The following LRP1B variants were observed in gnomAD, a reference collection of about 807,000 sequenced individuals.
LRP1B encodes low-density lipoprotein receptor-related protein 1B.
Under a neutral mutation model 556.6 loss-of-function variants are expected in LRP1B, and 217 were observed. The ratio of observed to expected loss-of-function variants is 0.39; its 90% CI spans 0.35 to 0.44. The LOEUF is 0.44. Among genes scored for constraint, LRP1B ranks in the 20% least tolerant of loss-of-function variants. The pLI, the probability that LRP1B is intolerant of heterozygous loss-of-function variation, is 1.00. For synonymous variants in LRP1B, 2,047 were observed against 1,865.8 expected (o/e 1.10, Z -2.50); for missense variants, 5,053 against 5,620.8 (o/e 0.90, Z 3.23).
intron 3 of LRP1B, among the ~76,000 whole-genome samples, chr2:141,329,663 A>AAAAC (rs1553497047): frequency 2.6e-4 from 36 of 137,442 alleles, no homozygotes; most frequent in Admixed American, 4.3e-4. Context: ...AAAAAAAAAA[A>AAAAC]AACTATCTCT....
intron 2 of LRP1B, among the ~76,000 whole-genome samples, chr2:141,647,817 T>C (rs549901743): frequency 6.6e-6 from 1 of 151,884 alleles, no homozygotes; most frequent in South Asian, 2.1e-4. Context: ...AATTCTGCAA[T>C]AAAATTAAGA....
intron 60 of LRP1B, among the ~76,000 whole-genome samples, chr2:140,463,980 G>C (rs1288341469): frequency 6.6e-6 from 1 of 152,038 alleles, no homozygotes; most frequent in African/African-American, 2.4e-5. Flanking sequence ...CAGATCACCT[G>C]AGGTCAGGAG....
chr2:142,107,769 A>C (rs1706802810), intron 1 of LRP1B, among the ~76,000 whole-genome samples: 1 of 148,142 alleles, frequency 6.8e-6, no homozygotes, highest in African/African-American at 2.5e-5. Flanking sequence ...CTGGGATTAC[A>C]GGCACCCACC....
At chr2:141,788,419 T>A (rs1695494784) in intron 2 of LRP1B, among the ~76,000 whole-genome samples, 1 of 152,014 alleles carries the variant, frequency 6.6e-6, no homozygotes, top group African/African-American at 2.4e-5. Context: ...ATATGAACAA[T>A]TCTATGATAT....
chr2:140,925,481 GA>G (rs1298054532), intron 20 of LRP1B, among the ~76,000 whole-genome samples: 1 of 152,042 alleles, frequency 6.6e-6, no homozygotes, highest in Non-Finnish European at 1.5e-5. Flanking sequence ...AACTTTCGTT[GA>G]AAACAAAACA....
intron 2 of LRP1B, among the ~76,000 whole-genome samples, chr2:141,679,576 C>T (rs1182870130): frequency 1.3e-5 from 2 of 151,922 alleles, no homozygotes; most frequent in East Asian, 1.9e-4. Context: ...GATGCTGTAC[C>T]CTCAGGCTAC....
intron 2 of LRP1B, among the ~76,000 whole-genome samples, chr2:141,544,358 C>CTTCTT (rs1559131428): frequency 2.1e-5 from 2 of 96,580 alleles, no homozygotes; most frequent in African/African-American, 7.7e-5. Context: ...TCTTCTTCTT[C>CTTCTT]TTCTTCTTCT....
chr2:141,612,648 A>G (rs1220532340), intron 2 of LRP1B, among the ~76,000 whole-genome samples: 1 of 152,234 alleles, frequency 6.6e-6, no homozygotes, highest in Non-Finnish European at 1.5e-5. Flanking sequence ...TATGTAAAAG[A>G]AAGAGTGTTC....
At chr2:141,291,984 C>G (rs1365492455) in intron 3 of LRP1B, among the ~76,000 whole-genome samples, 1 of 151,954 alleles carries the variant, frequency 6.6e-6, no homozygotes, top group African/African-American at 2.4e-5. Context: ...GGGTCCCCAA[C>G]CCCAATGCGA....
At chr2:142,072,153 C>A (rs11883776) in intron 1 of LRP1B, among the ~76,000 whole-genome samples, 8,128 of 151,914 alleles carry the variant, frequency 0.054, 704 homozygotes, top group African/African-American at 0.19. Context: ...GTTAGTTCAG[C>A]GGTTGCCTAA....
intron 1 of LRP1B, among the ~76,000 whole-genome samples, chr2:142,124,373 T>C (rs1399917958): frequency 6.6e-6 from 1 of 151,974 alleles, no homozygotes; most frequent in Non-Finnish European, 1.5e-5. Flanking sequence ...GGGTACCTAA[T>C]TGTAGACTAA....
chr2:140,669,976 G>T (rs898950686), intron 41 of LRP1B, among the ~76,000 whole-genome samples: 1 of 151,898 alleles, frequency 6.6e-6, no homozygotes, highest in East Asian at 1.9e-4. Flanking sequence ...ATTATCCTTC[G>T]AAATAAAATA....
intron 61 of LRP1B, 73 bp downstream of exon 61, chr2:140,457,390 T>C (rs898926153): frequency 1.7e-5 from 20 of 1,194,398 alleles, no homozygotes; most frequent in Middle Eastern, 2.3e-4. Flanking sequence ...ACATTTAACC[T>C]TGAAATAATA....
intron 7 of LRP1B, among the ~76,000 whole-genome samples, chr2:141,169,023 G>C (rs947556620): frequency 5.3e-5 from 8 of 151,788 alleles, no homozygotes; most frequent in Middle Eastern, 3.2e-3. Flanking sequence ...CGGTGGCTCA[G>C]GCCTATAATC....
chr2:140,327,386 C>T (rs897152872), intron 79 of LRP1B, among the ~76,000 whole-genome samples: 1 of 152,018 alleles, frequency 6.6e-6, no homozygotes, highest in Non-Finnish European at 1.5e-5. Context: ...CATGCCTGAC[C>T]AGATCCTGAG....
intron 3 of LRP1B, among the ~76,000 whole-genome samples, chr2:141,422,993 G>T (rs995240890): frequency 4.6e-5 from 7 of 152,166 alleles, no homozygotes; most frequent in Non-Finnish European, 7.3e-5. Context: ...AGATGAAAAT[G>T]ATATTATTCT....
At chr2:140,866,340 T>C (rs889925921) in intron 27 of LRP1B, among the ~76,000 whole-genome samples, 2 of 152,136 alleles carry the variant, frequency 1.3e-5, no homozygotes, top group Non-Finnish European at 2.9e-5. Context: ...GAATAATAAC[T>C]TCTTGCCTTA....
intron 7 of LRP1B, among the ~76,000 whole-genome samples, chr2:141,180,442 A>G (rs1276324791): frequency 6.6e-6 from 1 of 151,958 alleles, no homozygotes. Flanking sequence ...TATGTAAGCT[A>G]TTCTCTGGCA....
intron 3 of LRP1B, among the ~76,000 whole-genome samples, chr2:141,451,504 C>T (rs1320593196): frequency 6.6e-6 from 1 of 152,154 alleles, no homozygotes; most frequent in African/African-American, 2.4e-5. Context: ...TATTACTCCT[C>T]AGTACTGTAG....
Sources: gnomAD v4.1 joint callset for allele counts (sites outside exome capture counted in the v4.1 genomes callset) on GRCh38, gnomAD v4.1.1 for gene constraint, MANE v1.5 for transcripts, NCBI Gene and HGNC (gene_info 2026-07-23, HGNC 2026-07-21) for gene names.